The following COLEC12 variants were observed in gnomAD, a reference collection of about 807,000 sequenced individuals.
The protein encoded by COLEC12 is collectin subfamily member 12.
Under a neutral mutation model 71.1 loss-of-function variants are expected in COLEC12, and 33 were observed. The observed-to-expected ratio is 0.46, with a 90% CI of 0.35 to 0.62. COLEC12 has a LOEUF of 0.62. COLEC12 is among the 20% of genes least tolerant of loss of function. The pLI is 0.00. For synonymous variants in COLEC12, 350 were observed against 353.0 expected, an observed-to-expected ratio of 0.99 and a Z score of 0.10; for missense variants, 765 against 916.1, an observed-to-expected ratio of 0.84 and a Z score of 2.13.
At chr18:486,169 G>GTTTC (rs541315531) in intron 1 of COLEC12, among the ~76,000 whole-genome samples, 2 of 152,000 alleles carry the variant, frequency 1.3e-5, no homozygotes, top group African/African-American at 4.8e-5. Context: ...ATTTTACTAT[G>GTTTC]TTTCTTTCTT....
chr18:453,461 C>CACAGAG (rs1916802591), intron 2 of COLEC12, among the ~76,000 whole-genome samples: 1 of 152,152 alleles, frequency 6.6e-6, no homozygotes, highest in African/African-American at 2.4e-5. Flanking sequence ...CAGAGAGAGA[C>CACAGAG]ACAGAGACAG....
intron 2 of COLEC12, among the ~76,000 whole-genome samples, chr18:373,388 G>A (rs1915043699): frequency 6.6e-6 from 1 of 152,158 alleles, no homozygotes; most frequent in African/African-American, 2.4e-5. Context: ...GTACATGGTG[G>A]GGAAAAAGGG....
intron 9 of COLEC12, 80 bp downstream of exon 9, chr18:321,582 G>T: frequency 1.4e-6 from 2 of 1,477,128 alleles, no homozygotes; most frequent in Non-Finnish European, 1.9e-6. Context: ...CCTGCATTCA[G>T]GGCCCTTGTA....
At chr18:321,532 T>TA in intron 9 of COLEC12, 130 bp downstream of exon 9, 1 of 923,468 alleles carries the variant, frequency 1.1e-6, no homozygotes, top group South Asian at 1.7e-5. Context: ...CCTGCCCAGT[T>TA]AATAAATGGC....
chr18:445,350 G>C (rs1211337450), intron 2 of COLEC12, among the ~76,000 whole-genome samples: 1 of 152,056 alleles, frequency 6.6e-6, no homozygotes, highest in Non-Finnish European at 1.5e-5. Flanking sequence ...GCCTATATTT[G>C]CAACACAAGG....
intron 2 of COLEC12, among the ~76,000 whole-genome samples, chr18:426,474 G>A (rs1334381704): frequency 2.0e-5 from 3 of 152,114 alleles, no homozygotes; most frequent in African/African-American, 4.8e-5. Context: ...CAGTGGAAGC[G>A]CAGTTGCTTT....
intron 2 of COLEC12, among the ~76,000 whole-genome samples, chr18:385,417 C>T (rs573690242): frequency 2.7e-4 from 41 of 150,544 alleles, no homozygotes; most frequent in East Asian, 2.2e-3. Context: ...CTCCACCTCC[C>T]GGGCTCAAGC....
chr18:339,773 A>G (rs759554214), intron 5 of COLEC12, among the ~76,000 whole-genome samples: 1 of 152,146 alleles, frequency 6.6e-6, no homozygotes, highest in Non-Finnish European at 1.5e-5. Context: ...GGAGATTCAC[A>G]TAATCTACTT....
chr18:373,489 G>A lies in COLEC12; in HGVS notation c.59-15967C>T, dbSNP rs562772415. The stretch of plus-strand genomic sequence containing the variant: ...GGGTTTGTACTAATTCCTCAGTGAG[G>A]AGGAACTGGAACCTGATATCAAAAT... On this transcript the variant is annotated intron_variant, in intron 2 of 9. Coordinates refer to ENST00000400256, the MANE Select transcript of COLEC12 (RefSeq NM_130386.3). 7.2e-5 allele frequency among the ~76,000 whole-genome samples: 11 copies of A among 152,322 alleles called. No individual in the cohort carries two copies. The South Asian group carries it at 1.7e-3, about 23-fold the overall frequency.
rs184012208 is a variant in COLEC12, at chr18:420,537, T to G, written c.58+60170A>C. On this transcript the variant is annotated intron_variant, in intron 2 of 9. Coordinates refer to ENST00000400256, the MANE Select transcript of COLEC12 (RefSeq NM_130386.3). The stretch of plus-strand genomic sequence containing the variant: ...AAATTCTAAAAAGCGATAAAAAATT[T>G]TCTAGGTAAAGCAAAGGGGGTTCTG... Among the ~76,000 whole-genome samples the G allele has an allele frequency of 2.7e-3, 411 of 152,214 alleles. 1 individual carries two copies. Among genetic ancestry groups the G allele is most frequent in the African/African-American group, 9.2e-3 (384 of 41,514 alleles).
At chr18:441,140 G>T (rs1022621481) in intron 2 of COLEC12, among the ~76,000 whole-genome samples, 5 of 144,930 alleles carry the variant, frequency 3.4e-5, no homozygotes, top group East Asian at 2.1e-4. Flanking sequence ...CCCAGCTGCT[G>T]GGGAGGCTGA....
intron 1 of COLEC12, among the ~76,000 whole-genome samples, chr18:497,383 G>GGTGTGTGGGTGT (rs1555623896): frequency 6.8e-6 from 1 of 147,052 alleles, no homozygotes; most frequent in Admixed American, 6.7e-5. Context: ...TAAAGAATGG[G>GGTGTGTGGGTGT]GTGTGTGTGT....
At chr18:354,464 C>T (rs770702764) in intron 3 of COLEC12, among the ~76,000 whole-genome samples, 1 of 152,206 alleles carries the variant, frequency 6.6e-6, no homozygotes, top group African/African-American at 2.4e-5. Flanking sequence ...AGTTTTTACT[C>T]CTTTCCTTTC....
chr18:347,176 C>G lies in COLEC12; in HGVS notation c.446G>C (p.Arg149Thr). The G allele has an allele frequency of 6.2e-7, 1 of 1,614,180 alleles. No individual in the cohort carries two copies. The highest frequency in any genetic ancestry group is 8.5e-7 in the Non-Finnish European group (1 of 1,180,036). Residue 149 changes from arginine to threonine, a missense_variant, in exon 5 of 10, where the codon AGG becomes ACG. By Grantham distance (71) the Arg-to-Thr change is moderately conservative. Coordinates refer to ENST00000400256, the MANE Select transcript of COLEC12 (RefSeq NM_130386.3). ...CAAAGTTTCTTTCAATTGACTCTGC[C>G]TGTCCACCAGAGCATCCCCGCTCGC... ...LQASGDALVD[R>T]QSQLKETLEN...
In COLEC12 at chr18:480,911, G is replaced by T. The variant is rs1917402991; in HGVS notation, c.8-154C>A. Among the ~76,000 whole-genome samples, 1 of 152,086 alleles carries T rather than the reference G, an allele frequency of 6.6e-6. No homozygotes were observed. The highest frequency in any genetic ancestry group is 6.5e-5 in the Admixed American group (1 of 15,280). ...CAGGCTTTCTGGAAGAGGCGGCAGG[G>T]GTCTCCACCCTGGCTGCTCCTGCTG... is the stretch of plus-strand genomic sequence containing the variant. On this transcript the variant is annotated intron_variant, in intron 1 of 9. Transcript: ENST00000400256. This position sits in a 1 kb window ranked among gnomAD's most constrained non-coding sequence, Gnocchi z 4.1.
intron 8 of COLEC12, among the ~76,000 whole-genome samples, chr18:329,906 G>A (rs535653728): frequency 6.6e-6 from 1 of 152,182 alleles, no homozygotes; most frequent in East Asian, 1.9e-4. Flanking sequence ...AGTGGACCAC[G>A]TCTATCCAAA....
At chr18:458,457 G>A (rs972623087) in intron 2 of COLEC12, among the ~76,000 whole-genome samples, 1 of 152,250 alleles carries the variant, frequency 6.6e-6, no homozygotes, top group African/African-American at 2.4e-5. Context: ...GGAGGGGAGA[G>A]GAGAAGTGCA....
chr18:415,006 T>G (rs1915959944), intron 2 of COLEC12, among the ~76,000 whole-genome samples: 1 of 152,216 alleles, frequency 6.6e-6, no homozygotes, highest in Non-Finnish European at 1.5e-5. Flanking sequence ...ATAAAACTAC[T>G]GTCCCAAAGA....
chr18:351,364 C>A (rs1914517253), intron 3 of COLEC12, among the ~76,000 whole-genome samples: 1 of 151,972 alleles, frequency 6.6e-6, no homozygotes, highest in Admixed American at 6.6e-5. Flanking sequence ...CTGTGGGAAC[C>A]CTTTGCCGAG....
Sources: gnomAD v4.1 joint callset for allele counts (sites outside exome capture counted in the v4.1 genomes callset) on GRCh38, gnomAD v4.1.1 for gene constraint, Gnocchi (gnomAD v3.1) non-coding constraint, MANE v1.5 for transcripts, NCBI Gene and HGNC (gene_info 2026-07-23, HGNC 2026-07-21) for gene names.